Variants in PARD3 observed in about 807,000 individuals in gnomAD.
PARD3 encodes the protein partitioning defective 3 homolog.
Under a neutral mutation model 155.4 loss-of-function variants are expected in PARD3, and 75 were observed. The observed-to-expected ratio is 0.48, with a 90% CI of 0.40 to 0.58. PARD3 has a LOEUF of 0.58. PARD3 is among the 20% of genes least tolerant of loss of function. The pLI, the probability that PARD3 is intolerant of heterozygous loss-of-function variation, is 0.00. For synonymous variants in PARD3, 576 were observed against 610.5 expected (o/e 0.94, Z 0.83); for missense variants, 1,642 against 1,721.7 (o/e 0.95, Z 0.82).
rs182025284 is a variant in PARD3 at position 34,558,810 on chromosome 10, C to T, written c.223-41651G>A. On this transcript the variant is annotated intron_variant, in intron 2 of 24. Transcript: ENST00000374788. ...AAAAATACAAAAATTAGCTGGACTT[C>T]GTGGCATACGCCTGTAATGCCAGCT... is the stretch of plus-strand genomic sequence containing the variant. Among the ~76,000 whole-genome samples the T allele has an allele frequency of 1.4e-3, 220 of 152,110 alleles. 1 individual carries two copies. The highest frequency in any genetic ancestry group is 5.1e-3 in the African/African-American group (212 of 41,496).
intron 2 of PARD3, 73 bp from the exon 3 acceptor site, chr10:34,517,232 G>T: frequency 7.1e-7 from 1 of 1,403,454 alleles, no homozygotes; most frequent in Admixed American, 2.0e-5. Context: ...GTACTATTTT[G>T]ACATAATTCT....
chr10:34,678,807 C>G (rs1297904441), intron 2 of PARD3, among the ~76,000 whole-genome samples: 1 of 151,202 alleles, frequency 6.6e-6, no homozygotes, highest in Non-Finnish European at 1.5e-5. Context: ...ATTCCCCCCG[C>G]CCACCAAGAA....
intron 1 of PARD3, among the ~76,000 whole-genome samples, chr10:34,708,922 G>A (rs1304395111): frequency 1.3e-5 from 2 of 152,026 alleles, no homozygotes; most frequent in African/African-American, 4.8e-5. Flanking sequence ...ATAGCTTTGT[G>A]GATATTTAAG....
At chr10:34,153,480 C>T (rs1948869596) in intron 22 of PARD3, among the ~76,000 whole-genome samples, 1 of 152,128 alleles carries the variant, frequency 6.6e-6, no homozygotes, top group Non-Finnish European at 1.5e-5. Context: ...TGGGACCAGA[C>T]AATTGAAGTC....
intron 1 of PARD3, among the ~76,000 whole-genome samples, chr10:34,788,513 G>C (rs929318811): frequency 4.0e-5 from 6 of 150,338 alleles, no homozygotes; most frequent in African/African-American, 9.8e-5. Context: ...GCAGTGGCAC[G>C]ATCGCGGCTC....
chr10:34,770,277 C>T (rs1412518410), intron 1 of PARD3, among the ~76,000 whole-genome samples: 1 of 152,204 alleles, frequency 6.6e-6, no homozygotes, highest in Non-Finnish European at 1.5e-5. Flanking sequence ...AATCCATGAT[C>T]ATCTCACACC....
At chr10:34,761,956 A>G (rs1837497354) in intron 1 of PARD3, among the ~76,000 whole-genome samples, 3 of 152,170 alleles carry the variant, frequency 2.0e-5, no homozygotes, top group African/African-American at 7.2e-5. Flanking sequence ...ATATATATAA[A>G]ATATAAATAC....
At chr10:34,711,724 GA>G (rs1303402673) in intron 1 of PARD3, among the ~76,000 whole-genome samples, 1 of 152,060 alleles carries the variant, frequency 6.6e-6, no homozygotes, top group East Asian at 1.9e-4. Flanking sequence ...TTGGGTATAG[GA>G]AAGAACTTAC....
chr10:34,655,033 T>A (rs767649667), intron 2 of PARD3, among the ~76,000 whole-genome samples: 9 of 151,656 alleles, frequency 5.9e-5, no homozygotes, highest in Non-Finnish European at 1.3e-4. Flanking sequence ...CACCATTTGC[T>A]GAGCACGTCA....
At chr10:34,504,108 T>C (rs1181304684) in intron 3 of PARD3, among the ~76,000 whole-genome samples, 1 of 151,960 alleles carries the variant, frequency 6.6e-6, no homozygotes, top group African/African-American at 2.4e-5. Context: ...TCACAAGCCA[T>C]GCAGTATACA....
Position 34,489,345 on chromosome 10 carries a change from C to T in PARD3, c.404-19082G>A, listed in dbSNP as rs551039263. ...AGCATACACATGTGAACACAGACTA[C>T]GCCACGAAGAGATCAGTGCTAGGAA... On this transcript the variant is annotated intron_variant, in intron 3 of 24. Transcript: ENST00000374788. Among the ~76,000 whole-genome samples, 16 of 152,262 alleles carry T rather than the reference C, an allele frequency of 1.1e-4. No homozygotes were observed. The South Asian group carries it at 1.2e-3, about 12-fold the overall frequency.
rs776666237 is a variant in PARD3, at chr10:34,348,073, C to T, written c.2110G>A (p.Glu704Lys). The T allele has an allele frequency of 6.2e-7, 1 of 1,612,614 alleles. No individual in the cohort carries two copies. The highest frequency in any genetic ancestry group is 1.7e-5 in the Admixed American group (1 of 59,824). The change falls in exon 15 of 25, where the codon GAA becomes AAA. Residue 704 changes from glutamate to lysine, a missense_variant. This residue lies in a region of PARD3 where 1,529 missense variants were observed against 1,587.3 expected (regional missense o/e 0.96). Transcript: ENST00000374788. ...GSPPGPELPI[E>K]TALDDRERRI... ...CGTTCTCTATCATCCAACGCTGTTT[C>T]AATGGGCAGCTCAGGTCCAGGGGGG... is the stretch of plus-strand genomic sequence containing the variant.
chr10:34,696,390 G>A lies in PARD3; in HGVS notation c.150C>T (p.Arg50=). 6.2e-7 allele frequency: 1 copy of A among 1,610,798 alleles called. No homozygotes were observed. Among genetic ancestry groups the A allele is most frequent in the Non-Finnish European group, 8.5e-7 (1 of 1,177,094 alleles). The change falls in exon 2 of 25, where the codon CGC becomes CGT. Residue 50 remains arginine, a synonymous_variant. Coordinates refer to ENST00000374788, the MANE Select transcript of PARD3 (RefSeq NM_001184785.2). ...KDPNYWIQVH[R]LEHGDGGILD... Reference sequence around the variant, plus strand: ...GTATTCCTCCATCTCCATGTTCCAAGCGATGCACCTGTATCCAGTAGTTTG... The same window carrying A: ...GTATTCCTCCATCTCCATGTTCCAAACGATGCACCTGTATCCAGTAGTTTG...
chr10:34,356,011 G>GA (rs1197400006), intron 14 of PARD3, among the ~76,000 whole-genome samples: 1 of 149,146 alleles, frequency 6.7e-6, no homozygotes, highest in African/African-American at 2.5e-5. Context: ...CAGGAATAAT[G>GA]AAAGAACAGG....
intron 4 of PARD3, among the ~76,000 whole-genome samples, chr10:34,465,362 T>C (rs1449097003): frequency 6.6e-6 from 1 of 152,146 alleles, no homozygotes; most frequent in African/African-American, 2.4e-5. Context: ...ACTTCAAAAA[T>C]GTTTATAAAA....
intron 1 of PARD3, among the ~76,000 whole-genome samples, chr10:34,779,941 A>T (rs906836549): frequency 3.3e-5 from 5 of 152,154 alleles, no homozygotes; most frequent in African/African-American, 9.7e-5. Flanking sequence ...CTAGCTGTAG[A>T]TCTAAATGCT....
At chr10:34,318,617 A>G (rs987812237) in intron 19 of PARD3, among the ~76,000 whole-genome samples, 12 of 152,212 alleles carry the variant, frequency 7.9e-5, no homozygotes, top group South Asian at 2.1e-4. Flanking sequence ...AAGGGTCCCA[A>G]TATCTTAGAT....
chr10:34,535,160 C>T (rs1408870118), intron 2 of PARD3, among the ~76,000 whole-genome samples: 3 of 152,148 alleles, frequency 2.0e-5, no homozygotes, highest in Admixed American at 6.5e-5. Context: ...TTTGAATATT[C>T]CTACGTTTTA....
chr10:34,213,173 A>G (rs117479196), intron 22 of PARD3, among the ~76,000 whole-genome samples: 3,772 of 152,284 alleles, frequency 0.025, 81 homozygotes, highest in Non-Finnish European at 0.036. Flanking sequence ...GCATCTGGCA[A>G]GGGTCTCAGC....
Sources: allele counts gnomAD v4.1 joint callset (sites outside exome capture counted in the v4.1 genomes callset), GRCh38; gene constraint gnomAD v4.1.1; regional missense constraint gnomAD v4.1.1; transcripts MANE v1.5; gene names NCBI Gene and HGNC (gene_info 2026-07-23, HGNC 2026-07-21).